The following PHLPP1 variants were observed in gnomAD, a reference collection of about 807,000 sequenced individuals.
PHLPP1 encodes the protein PH domain leucine-rich repeat-containing protein phosphatase 1.
Under a neutral mutation model 117.2 loss-of-function variants are expected in PHLPP1, and 42 were observed. That is an observed-to-expected ratio of 0.36 (90% CI 0.28 to 0.46). The LOEUF (loss-of-function observed/expected upper bound fraction) is 0.46. Among genes scored for constraint, PHLPP1 ranks in the 20% least tolerant of loss-of-function variants. The pLI, the probability that PHLPP1 is intolerant of heterozygous loss-of-function variation, is 1.00. For synonymous variants in PHLPP1, 1,042 were observed against 970.7 expected (o/e 1.07, Z -1.37); for missense variants, 2,084 against 2,241.9 (o/e 0.93, Z 1.42).
At chr18:62,827,355 T>C (rs1256101698) in intron 1 of PHLPP1, among the ~76,000 whole-genome samples, 1 of 152,222 alleles carries the variant, frequency 6.6e-6, no homozygotes, top group African/African-American at 2.4e-5. Flanking sequence ...TTTGGTATTG[T>C]CAGTGTTTAT....
chr18:62,967,861 A>G (rs1448173689), intron 14 of PHLPP1, among the ~76,000 whole-genome samples: 6 of 148,354 alleles, frequency 4.0e-5, no homozygotes, highest in Admixed American at 2.7e-4. Context: ...TTTCACTCTT[A>G]TTGCCCAGGC....
chr18:62,935,950 C>T (rs984362062), intron 10 of PHLPP1, among the ~76,000 whole-genome samples: 73 of 152,250 alleles, frequency 4.8e-4, no homozygotes, highest in African/African-American at 1.6e-3. Flanking sequence ...TTGCAGTGAG[C>T]CGAGATCAAG....
At chr18:62,865,865 A>G (rs1356634575) in intron 4 of PHLPP1, among the ~76,000 whole-genome samples, 2 of 152,194 alleles carry the variant, frequency 1.3e-5, no homozygotes, top group African/African-American at 2.4e-5. Context: ...GGAACAACAC[A>G]CAGTGGGGCC....
intron 1 of PHLPP1, among the ~76,000 whole-genome samples, chr18:62,749,247 T>TA (rs754057912): frequency 2.7e-5 from 4 of 150,464 alleles, no homozygotes; most frequent in South Asian, 4.2e-4. Context: ...TTTTTTTTTT[T>TA]AAATTTAAGT....
rs554602912 is a variant in PHLPP1 at position 62,735,482 on chromosome 18, G to A, written c.1576+18223G>A. 6.6e-5 allele frequency among the ~76,000 whole-genome samples: 10 copies of A among 151,984 alleles called. No homozygotes were observed. In the South Asian group the frequency reaches 1.2e-3, roughly 19 times the overall value. ...AATGCTTATTTTATATCCTGAATTGGCTTGTAGCCATTAGAATTGGAAGGT... is the reference window on the plus strand; with the variant it reads ...AATGCTTATTTTATATCCTGAATTGACTTGTAGCCATTAGAATTGGAAGGT... On this transcript the variant is annotated intron_variant, in intron 1 of 16. Coordinates refer to ENST00000262719, the MANE Select transcript of PHLPP1 (RefSeq NM_194449.4).
chr18:62,746,584 G>A (rs1269239424), intron 1 of PHLPP1, among the ~76,000 whole-genome samples: 1 of 151,858 alleles, frequency 6.6e-6, no homozygotes, highest in East Asian at 1.9e-4. Flanking sequence ...TGTATTATAG[G>A]CCATTTCAAG....
chr18:62,899,683 T>G (rs1055279775), intron 6 of PHLPP1, among the ~76,000 whole-genome samples: 3 of 152,210 alleles, frequency 2.0e-5, no homozygotes, highest in African/African-American at 7.2e-5. Flanking sequence ...TAGGTCATCA[T>G]CGTTGTCACC....
At position 62,978,708 on chromosome 18, in the gene PHLPP1, T is replaced by C; in HGVS notation, c.4431T>C (p.Ile1477=). 1 of 1,613,696 alleles carries C rather than the reference T, an allele frequency of 6.2e-7. No individual in the cohort carries two copies. The highest frequency in any genetic ancestry group is 1.1e-5 in the South Asian group (1 of 91,074). ...PSSSSGMASE[I]SSELSTSEMS... is the part of the protein sequence containing the mutation. Reference sequence around the variant, plus strand: ...CCAGCAGCGGCATGGCTTCCGAGATTAGCAGTGAGCTCTCCACTTCTGAGA... The same window carrying C: ...CCAGCAGCGGCATGGCTTCCGAGATCAGCAGTGAGCTCTCCACTTCTGAGA... The change falls in exon 17 of 17, where the codon ATT becomes ATC. Residue 1477 remains isoleucine (I), a synonymous_variant. Transcript: ENST00000262719. This position sits in a 1 kb window ranked among gnomAD's most constrained non-coding sequence, Gnocchi z 7.0.
At chr18:62,844,204 G>T (rs933143567) in intron 3 of PHLPP1, among the ~76,000 whole-genome samples, 2 of 152,118 alleles carry the variant, frequency 1.3e-5, no homozygotes, top group African/African-American at 2.4e-5. Context: ...GGGCATGATG[G>T]TGGGTGTCTG....
intron 13 of PHLPP1, among the ~76,000 whole-genome samples, chr18:62,959,106 C>T (rs919325469): frequency 1.3e-5 from 2 of 152,116 alleles, no homozygotes; most frequent in Non-Finnish European, 2.9e-5. Context: ...TAGATCTTCA[C>T]GGTTTGGGAA....
At chr18:62,912,347 CAA>C (rs71340132) in intron 8 of PHLPP1, among the ~76,000 whole-genome samples, 1 of 126,076 alleles carries the variant, frequency 7.9e-6, no homozygotes, top group African/African-American at 2.8e-5. Context: ...CCTGATCCAT[CAA>C]AAAAAAAATT....
chr18:62,980,323 G>A lies in PHLPP1; in HGVS notation c.*892G>A, dbSNP rs995384517. On this transcript the variant is annotated 3_prime_UTR_variant, in exon 17 of 17. Transcript: ENST00000262719. ...TCCTTACTGCTGCCACAATCAGCAT[G>A]GTTGTATAGTGCCCCATTAGGCCAT... The A allele has an allele frequency of 3.9e-5, 6 of 152,644 alleles. No homozygotes were observed. Among genetic ancestry groups the A allele is most frequent in the African/African-American group, 1.2e-4 (5 of 41,408 alleles). 9.5% of individuals were successfully genotyped at this position (152,644 alleles called of 1,614,324 possible).
chr18:62,716,473 C>G lies in PHLPP1; in HGVS notation c.790C>G (p.Pro264Ala). 8.1e-7 allele frequency: 1 copy of G among 1,232,954 alleles called. No individual in the cohort carries two copies. Among genetic ancestry groups the G allele is most frequent in the African/African-American group, 1.6e-5 (1 of 63,754 alleles). 76.4% of individuals were successfully genotyped at this position (1,232,954 alleles called of 1,614,324 possible). The part of the protein sequence containing the change: ...AAAAREPAEP[P>A]PEAGPRLAPP... ...CGCCGCCCGGGAGCCCGCTGAACCG[C>G]CCCCCGAGGCCGGCCCCCGGCTGGC... is the stretch of plus-strand genomic sequence containing the variant. Residue 264 changes from proline (P) to alanine (A), a missense_variant, in exon 1 of 17, where the codon CCC (proline) becomes GCC (alanine). Coordinates refer to ENST00000262719, the MANE Select transcript of PHLPP1 (RefSeq NM_194449.4). This position sits in a 1 kb window ranked among gnomAD's most constrained non-coding sequence, Gnocchi z 5.7.
chr18:62,764,194 CAAA>C (rs1172287764), intron 1 of PHLPP1, among the ~76,000 whole-genome samples: 1 of 150,242 alleles, frequency 6.7e-6, no homozygotes, highest in Non-Finnish European at 1.5e-5. Context: ...CAACAACAAC[CAAA>C]AAAACACAAA....
rs559448066 is a variant in PHLPP1, at chr18:62,853,556, G to T, written c.1900-6879G>T. Among the ~76,000 whole-genome samples the T allele has an allele frequency of 2.0e-5, 3 of 152,196 alleles. No individual in the cohort carries two copies. The South Asian group carries it at 6.2e-4, about 32-fold the overall frequency. On this transcript the variant is annotated intron_variant, in intron 3 of 16. Transcript: ENST00000262719. ...AGCTAATTTTTGTATTTTCAGTAGA[G>T]ATGGAGTTTCCCCATGTTGGCCAGG...
chr18:62,941,834 A>G lies in PHLPP1; in HGVS notation c.3077A>G (p.Asp1026Gly). 2 of 1,614,000 alleles carry G rather than the reference A, an allele frequency of 1.2e-6. No homozygotes were observed. Among genetic ancestry groups the G allele is most frequent in the Non-Finnish European group, 1.7e-6 (2 of 1,179,846 alleles). ...ELYLTNNSLT[D>G]KCVPLLTGHP... ...TATTTGACAAATAACAGCCTCACAG[A>G]CAAATGTGTGCCCTTGTTAACGGGA... Residue 1026 changes from aspartate (D) to glycine (G), a missense_variant, in exon 11 of 17, where the codon GAC (aspartate) becomes GGC (glycine). Physicochemically the swap from Asp to Gly is moderately conservative, Grantham distance 94 (BLOSUM62 -1). This residue lies in a region of PHLPP1 where 1,365 missense variants were observed against 1,605.9 expected (regional missense o/e 0.85). Coordinates refer to ENST00000262719, the MANE Select transcript of PHLPP1 (RefSeq NM_194449.4).
chr18:62,716,927 C>A lies in PHLPP1; in HGVS notation c.1244C>A (p.Pro415Gln), dbSNP rs945675054. The change falls in exon 1 of 17, where the codon CCG (proline) becomes CAG (glutamine). Residue 415 changes from proline (P) to glutamine (Q), a missense_variant. By Grantham distance (76) the Pro-to-Gln change is moderately conservative. This residue lies in a region of PHLPP1 where 719 missense variants were observed against 636.0 expected (regional missense o/e 1.13). Transcript: ENST00000262719. The surrounding 1 kb of genome is among the most constrained non-coding windows in gnomAD (Gnocchi z 5.7). The stretch of plus-strand genomic sequence containing the variant: ...CCCCAGACGGCTTCCTCGCCTCAGC[C>A]GCAGCAGAAAGCCCCGAGGGCCATT... ...PLPQTASSPQ[P>Q]QQKAPRAIDS... 3.9e-6 allele frequency: 6 copies of A among 1,534,426 alleles called. No individual in the cohort carries two copies. Among genetic ancestry groups the A allele is most frequent in the Admixed American group, 2.0e-5 (1 of 50,824 alleles).
rs149975490 is a variant in PHLPP1, at chr18:62,846,885, C to G, written c.1899+7976C>G. ...ATAATTATGCTTCATCTATACCTGT[C>G]TTATTTCCTCACTGCTAATCCCTTC... On this transcript the variant is annotated intron_variant, in intron 3 of 16. Transcript: ENST00000262719. Among the ~76,000 whole-genome samples, 153 of 152,280 alleles carry G rather than the reference C, an allele frequency of 1.0e-3. 1 individual carries two copies. The highest frequency in any genetic ancestry group is 1.4e-3 in the Admixed American group (22 of 15,288).
intron 1 of PHLPP1, among the ~76,000 whole-genome samples, chr18:62,776,454 A>AT (rs1279929398): frequency 1.3e-5 from 2 of 152,154 alleles, no homozygotes; most frequent in Non-Finnish European, 2.9e-5. Flanking sequence ...TTTATAAAAT[A>AT]TTTTCACAGC....
Sources: gnomAD v4.1 joint callset for allele counts (sites outside exome capture counted in the v4.1 genomes callset) on GRCh38, gnomAD v4.1.1 for gene constraint, gnomAD v4.1.1 regional missense constraint, Gnocchi (gnomAD v3.1) non-coding constraint, MANE v1.5 for transcripts, NCBI Gene and HGNC (gene_info 2026-07-23, HGNC 2026-07-21) for gene names.